TRABD2B: variants seen among roughly 807,000 people sequenced by gnomAD.
TRABD2B encodes TraB domain containing 2B, also known as metalloprotease TIKI2.
In TRABD2B, 14 loss-of-function variants were observed where a neutral mutation model predicts 40.1. The observed-to-expected ratio is 0.35, with a 90% CI of 0.23 to 0.55. The LOEUF is 0.55. TRABD2B is among the 20% of genes least tolerant of loss of function. The pLI, the probability that TRABD2B is intolerant of heterozygous loss-of-function variation, is 0.90. For missense variants in TRABD2B, 541 were observed against 648.6 expected (o/e 0.83, Z 1.80); for synonymous variants, 263 against 277.0 (o/e 0.95, Z 0.50).
chr1:47,826,683 C>T (rs1374279350), intron 2 of TRABD2B, among the ~76,000 whole-genome samples: 1 of 152,100 alleles, frequency 6.6e-6, no homozygotes, highest in Non-Finnish European at 1.5e-5. Flanking sequence ...AAGCAATCCT[C>T]CTGCTTCAGC....
Position 47,775,196 on chromosome 1 carries a change from A to G in TRABD2B, c.1323T>C (p.Asn441=). 2 of 1,239,030 alleles carry G rather than the reference A, an allele frequency of 1.6e-6. No individual in the cohort carries two copies. Among genetic ancestry groups the G allele is most frequent in the Non-Finnish European group, 2.0e-6 (2 of 990,748 alleles). 76.8% of individuals were successfully genotyped at this position (1,239,030 alleles called of 1,614,324 possible). ...QSTHQRPRQF[N]DLWVRIEDST... ...TGTCCTCGATGCGGACCCAGAGGTC[A>G]TTGAACTGCCGCGGCCGCTGGTGTG... The change falls in exon 6 of 7, where the codon AAT becomes AAC. Residue 441 remains asparagine (N), a synonymous_variant. Coordinates refer to ENST00000606738, the MANE Select transcript of TRABD2B (RefSeq NM_001194986.2).
intron 2 of TRABD2B, among the ~76,000 whole-genome samples, chr1:47,849,126 C>T (rs1236931376): frequency 1.3e-5 from 2 of 152,196 alleles, no homozygotes; most frequent in Non-Finnish European, 2.9e-5. Context: ...CTACTCCCTC[C>T]TAATTCATAT....
chr1:47,974,144 C>T (rs1645721846), intron 2 of TRABD2B, among the ~76,000 whole-genome samples: 1 of 152,114 alleles, frequency 6.6e-6, no homozygotes, highest in African/African-American at 2.4e-5. Context: ...TCACCTTCTG[C>T]TTCAAACCAA....
At chr1:47,986,015 A>G (rs545519475) in intron 2 of TRABD2B, among the ~76,000 whole-genome samples, 1 of 152,306 alleles carries the variant, frequency 6.6e-6, no homozygotes, top group Non-Finnish European at 1.5e-5. Context: ...CAGCTCAGCA[A>G]CCCTGGTGCT....
At chr1:47,926,911 C>T (rs1200291626) in intron 2 of TRABD2B, among the ~76,000 whole-genome samples, 1 of 152,208 alleles carries the variant, frequency 6.6e-6, no homozygotes, top group Non-Finnish European at 1.5e-5. Flanking sequence ...GTTCAGTATA[C>T]ATCCTAGTTC....
At chr1:47,845,806 C>T (rs1168969507) in intron 2 of TRABD2B, among the ~76,000 whole-genome samples, 1 of 152,126 alleles carries the variant, frequency 6.6e-6, no homozygotes, top group Non-Finnish European at 1.5e-5. Flanking sequence ...TAGTTACCTC[C>T]TAATGTGTTT....
At chr1:47,913,069 A>G (rs1644784085) in intron 2 of TRABD2B, among the ~76,000 whole-genome samples, 1 of 152,066 alleles carries the variant, frequency 6.6e-6, no homozygotes, top group Non-Finnish European at 1.5e-5. Context: ...CAGTTCCCCG[A>G]CCAGGCCCAG....
rs571250744 is a variant in TRABD2B, at chr1:47,826,788, G to A, written c.667-25169C>T. Among the ~76,000 whole-genome samples the A allele has an allele frequency of 4.4e-4, 67 of 152,250 alleles. 2 individuals are homozygous for A. The South Asian group carries it at 0.012, about 26-fold the overall frequency. On this transcript the variant is annotated intron_variant, in intron 2 of 6. Coordinates refer to ENST00000606738, the MANE Select transcript of TRABD2B (RefSeq NM_001194986.2). Reference sequence around the variant, plus strand: ...TGATCTTGTTATGTTGCCCAGGCTGGTCTCAAACTCCTAGCCTCAAGTGAT... The same window carrying A: ...TGATCTTGTTATGTTGCCCAGGCTGATCTCAAACTCCTAGCCTCAAGTGAT...
intron 2 of TRABD2B, among the ~76,000 whole-genome samples, chr1:47,870,819 A>C (rs984076655): frequency 6.6e-6 from 1 of 152,182 alleles, no homozygotes; most frequent in Non-Finnish European, 1.5e-5. Context: ...TTAGTGTGTC[A>C]GGGAGGATGG....
intron 2 of TRABD2B, among the ~76,000 whole-genome samples, chr1:47,832,289 C>T (rs543738300): frequency 4.0e-5 from 6 of 151,752 alleles, no homozygotes; most frequent in Admixed American, 6.6e-5. Context: ...GCCAAGATCA[C>T]GCCACTGCAC....
chr1:47,808,743 A>C (rs1260076940), intron 2 of TRABD2B, among the ~76,000 whole-genome samples: 1 of 152,226 alleles, frequency 6.6e-6, no homozygotes, highest in East Asian at 1.9e-4. Flanking sequence ...GTTAGGATTC[A>C]AACTCAGGTC....
chr1:47,832,071 G>A (rs1311104950), intron 2 of TRABD2B, among the ~76,000 whole-genome samples: 4 of 152,188 alleles, frequency 2.6e-5, no homozygotes, highest in Non-Finnish European at 5.9e-5. Context: ...AGTGGCTCAT[G>A]CCTGTAATCC....
intron 2 of TRABD2B, among the ~76,000 whole-genome samples, chr1:47,980,343 A>T (rs1389981539): frequency 6.6e-6 from 1 of 152,224 alleles, no homozygotes; most frequent in East Asian, 1.9e-4. Context: ...AGTCTATTGT[A>T]TACAATTGAG....
Position 47,981,721 on chromosome 1 carries a change from T to G in TRABD2B, c.666+12313A>C, listed in dbSNP as rs185665035. Among the ~76,000 whole-genome samples the G allele has an allele frequency of 2.0e-3, 305 of 152,326 alleles. 1 individual carries two copies. The highest frequency in any genetic ancestry group is 3.6e-3 in the Non-Finnish European group (248 of 68,038). ...AATGAATGAACAGTTTAATAATAACTAATTCAATTAATTATTTATGGGGAA... is the reference window on the plus strand; with the variant it reads ...AATGAATGAACAGTTTAATAATAACGAATTCAATTAATTATTTATGGGGAA... On this transcript the variant is annotated intron_variant, in intron 2 of 6. Coordinates refer to ENST00000606738, the MANE Select transcript of TRABD2B (RefSeq NM_001194986.2).
chr1:47,839,299 T>C (rs2124478507), intron 2 of TRABD2B, among the ~76,000 whole-genome samples: 1 of 152,180 alleles, frequency 6.6e-6, no homozygotes, highest in Admixed American at 6.5e-5. Context: ...ACATATGGGA[T>C]GGCCTTTAGC....
chr1:47,864,852 A>C (rs1451175738), intron 2 of TRABD2B, among the ~76,000 whole-genome samples: 5 of 152,100 alleles, frequency 3.3e-5, no homozygotes, highest in African/African-American at 1.2e-4. Flanking sequence ...TGGGTGGACG[A>C]TCAGGGCTCA....
At chr1:47,888,094 T>G (rs1644395019) in intron 2 of TRABD2B, among the ~76,000 whole-genome samples, 1 of 152,156 alleles carries the variant, frequency 6.6e-6, no homozygotes, top group African/African-American at 2.4e-5. Context: ...TCGTGATGAA[T>G]TGTCTTCTCC....
chr1:47,792,628 G>C (rs1240546462), intron 4 of TRABD2B, among the ~76,000 whole-genome samples: 1 of 152,176 alleles, frequency 6.6e-6, no homozygotes, highest in Non-Finnish European at 1.5e-5. Flanking sequence ...CAAACCTAGG[G>C]TTTCAGGAAA....
intron 2 of TRABD2B, among the ~76,000 whole-genome samples, chr1:47,991,222 T>C (rs1330970829): frequency 6.6e-6 from 1 of 152,148 alleles, no homozygotes; most frequent in African/African-American, 2.4e-5. Context: ...CATTTCTGGA[T>C]GCCCACCTTA....
Sources: allele counts gnomAD v4.1 joint callset (sites outside exome capture counted in the v4.1 genomes callset), GRCh38; gene constraint gnomAD v4.1.1; transcripts MANE v1.5; gene names NCBI Gene and HGNC (gene_info 2026-07-23, HGNC 2026-07-21).